Variants in SEPTIN5 observed in about 807,000 individuals in gnomAD.
SEPTIN5 encodes septin 5.
In SEPTIN5, 16 loss-of-function variants were observed where a neutral mutation model predicts 51.2. The observed-to-expected ratio is 0.31, with a 90% CI of 0.21 to 0.47. SEPTIN5 has a LOEUF of 0.47. SEPTIN5 is among the 20% of genes least tolerant of loss of function. The probability of loss-of-function intolerance (pLI) is 0.99; values close to 1 mark genes in which losing one functional copy is unlikely to be tolerated. For synonymous variants in SEPTIN5, 208 were observed against 191.2 expected, an observed-to-expected ratio of 1.09 and a Z score of -0.72; for missense variants, 376 against 500.3, an observed-to-expected ratio of 0.75 and a Z score of 2.37.
chr22:19,714,918 C>A lies in SEPTIN5; in HGVS notation c.54+127C>A. On this transcript the variant is annotated intron_variant, in intron 2 of 11. Coordinates refer to ENST00000455784, the MANE Select transcript of SEPTIN5 (RefSeq NM_002688.6). This position sits in a 1 kb window ranked among gnomAD's most constrained non-coding sequence, Gnocchi z 5.2. ...CCCTCACCCAGCCCTGTCGCGATCA[C>A]CGATTGTCAGCCGGGCAGTGCCGCC... The A allele has an allele frequency of 1.6e-6, 2 of 1,259,012 alleles. No homozygotes were observed. Among genetic ancestry groups the A allele is most frequent in the South Asian group, 1.5e-5 (1 of 68,048 alleles). The allele number at this position is 1,259,012 out of a possible 1,614,324, so 78.0% of individuals were successfully genotyped here. A position where few individuals can be genotyped will look rare whatever the true frequency, so the allele number is the denominator to read the frequency against.
chr22:19,716,355 G>A (rs1459371216), intron 2 of SEPTIN5, among the ~76,000 whole-genome samples: 3 of 152,244 alleles, frequency 2.0e-5, no homozygotes, highest in Non-Finnish European at 2.9e-5. Context: ...AAAGGGGGCT[G>A]TAGAGGCATT....
chr22:19,719,567 C>T (rs775861546), intron 2 of SEPTIN5, 35 bp from the exon 3 acceptor site: 3 of 1,567,738 alleles, frequency 1.9e-6, no homozygotes, highest in African/African-American at 2.7e-5. Flanking sequence ...CTGGAGAAAC[C>T]TTTGTGTCCC....
chr22:19,718,607 C>T, intron 2 of SEPTIN5: 1 of 1,290,816 alleles, frequency 7.7e-7, no homozygotes, highest in Non-Finnish European at 9.8e-7. Context: ...TCACTTCCCG[C>T]GTCCGCAAAA....
chr22:19,715,947 G>A lies in SEPTIN5; in HGVS notation c.54+1156G>A, dbSNP rs553586539. 1.6e-3 allele frequency among the ~76,000 whole-genome samples: 246 copies of A among 152,332 alleles called. 1 individual carries two copies. The highest frequency in any genetic ancestry group is 5.5e-3 in the African/African-American group (228 of 41,574). On this transcript the variant is annotated intron_variant, in intron 2 of 11. Transcript: ENST00000455784. Reference sequence around the variant, plus strand: ...GTTTGAGGGAAATGGAAGGAACTGAGGCTGGGAAAGCCAGGAGGCCAGGCC... The same window carrying A: ...GTTTGAGGGAAATGGAAGGAACTGAAGCTGGGAAAGCCAGGAGGCCAGGCC...
intron 2 of SEPTIN5, among the ~76,000 whole-genome samples, chr22:19,715,883 A>T (rs139817943): frequency 3.2e-3 from 490 of 152,288 alleles, no homozygotes; most frequent in African/African-American, 0.011. Context: ...AGCAGGTCAG[A>T]CAAAGCCTGA....
intron 10 of SEPTIN5, 124 bp downstream of exon 10, chr22:19,722,081 T>G: frequency 3.4e-6 from 4 of 1,165,968 alleles, no homozygotes; most frequent in Non-Finnish European, 4.7e-6. Flanking sequence ...GCCCCCCCCC[T>G]CCCCCAGAGC....
At chr22:19,721,300 C>T (rs1936026759) in intron 8 of SEPTIN5, among the ~76,000 whole-genome samples, 1 of 152,184 alleles carries the variant, frequency 6.6e-6, no homozygotes, top group South Asian at 2.1e-4. Context: ...ATGCCAGGGG[C>T]AGGTGGCCAC....
intron 2 of SEPTIN5, among the ~76,000 whole-genome samples, chr22:19,715,272 T>C (rs1416520506): frequency 1.3e-5 from 2 of 152,260 alleles, no homozygotes; most frequent in South Asian, 2.1e-4. Context: ...CAAATTTGAG[T>C]GTTCAGGTCT....
chr22:19,714,879 C>A lies in SEPTIN5; in HGVS notation c.54+88C>A. The A allele has an allele frequency of 6.9e-7, 1 of 1,452,996 alleles. No individual in the cohort carries two copies. Among genetic ancestry groups the A allele is most frequent in the South Asian group, 1.2e-5 (1 of 80,186 alleles). The allele number at this position is 1,452,996 out of a possible 1,614,324, so 90.0% of individuals were successfully genotyped here. On this transcript the variant is annotated intron_variant, in intron 2 of 11. Transcript: ENST00000455784. The surrounding 1 kb of genome is among the most constrained non-coding windows in gnomAD (Gnocchi z 5.2). ...AGCGCCTTGGGCGCCCAGGCGCGACCCCGCCCCCGCCGGCCCTCACCCAGC... is the reference window on the plus strand; with the variant it reads ...AGCGCCTTGGGCGCCCAGGCGCGACACCGCCCCCGCCGGCCCTCACCCAGC...
chr22:19,719,291 C>T (rs888855466), intron 2 of SEPTIN5: 12 of 327,996 alleles, frequency 3.7e-5, no homozygotes, highest in South Asian at 2.3e-4. Flanking sequence ...CTGCTGCCCT[C>T]TGCCCGAGGA....
intron 2 of SEPTIN5, chr22:19,717,541 T>C (rs1935931052): frequency 8.7e-6 from 3 of 346,376 alleles, no homozygotes; most frequent in South Asian, 2.1e-5. Context: ...CAGGGCCACC[T>C]GAGGGCTGCA....
In SEPTIN5 at chr22:19,722,230, C is replaced by G; in HGVS notation, c.951-7C>G. The G allele has an allele frequency of 6.3e-6, 10 of 1,589,070 alleles. No individual in the cohort carries two copies. Among genetic ancestry groups the G allele is most frequent in the Non-Finnish European group, 8.6e-6 (10 of 1,166,396 alleles). Reference sequence around the variant, plus strand: ...GCCCCGCCCATCCTCCCCCCCGCCCCGCGCAGCAAACTGACCCAGGACAGC... The same window carrying G: ...GCCCCGCCCATCCTCCCCCCCGCCCGGCGCAGCAAACTGACCCAGGACAGC... On this transcript the variant is annotated splice_polypyrimidine_tract_variant and splice_region_variant and intron_variant, in intron 10 of 11. Coordinates refer to ENST00000455784, the MANE Select transcript of SEPTIN5 (RefSeq NM_002688.6).
rs1467100899 is a variant in SEPTIN5, at chr22:19,722,408, C to T, written c.1054-20C>T. ...CTCCTCCGCGGTGCTGCTCACCCGC[C>T]GGGTTGTCTCCGCCCGCAGCTGAGG... On this transcript the variant is annotated intron_variant, in intron 11 of 11. Transcript: ENST00000455784. 6.3e-7 allele frequency: 1 copy of T among 1,596,580 alleles called. No homozygotes were observed. Among genetic ancestry groups the T allele is most frequent in the Non-Finnish European group, 8.5e-7 (1 of 1,171,856 alleles).
At position 19,719,647 on chromosome 22, in the gene SEPTIN5, G is replaced by C. The variant is rs746491377; in HGVS notation, c.100G>C (p.Val34Leu). Reference protein sequence around the residue: ...YVGFATLPNQVHRKSVKKGFD... With the variant: ...YVGFATLPNQLHRKSVKKGFD... ...GGGCTTCGCCACACTGCCCAACCAG[G>C]TGCACCGCAAGTCGGTGAAGAAAGG... The change falls in exon 3 of 12, where the codon GTG becomes CTG. Residue 34 changes from valine to leucine, a missense_variant. Transcript: ENST00000455784. 2 of 1,612,952 alleles carry C rather than the reference G, an allele frequency of 1.2e-6. No homozygotes were observed. The highest frequency in any genetic ancestry group is 1.7e-6 in the Non-Finnish European group (2 of 1,179,982).
intron 2 of SEPTIN5, chr22:19,718,544 T>G: frequency 1.6e-6 from 2 of 1,284,090 alleles, no homozygotes; most frequent in Non-Finnish European, 9.9e-7. Flanking sequence ...GATGGCTCGG[T>G]CGGCCTCGGG....
At position 19,722,321 on chromosome 22, in the gene SEPTIN5, C is replaced by T. The variant is rs1189928289; in HGVS notation, c.1035C>T (p.Ile345=). The T allele has an allele frequency of 1.9e-6, 3 of 1,610,820 alleles. No homozygotes were observed. The highest frequency in any genetic ancestry group is 2.5e-6 in the Non-Finnish European group (3 of 1,179,086). The part of the protein sequence containing the change: ...PTPDAETEKL[I]RMKDEELRRM... ...CGGACGCCGAGACTGAGAAGCTTAT[C>T]AGGATGAAGGATGAGGAAGTATGTG... The change falls in exon 11 of 12, where the codon ATC becomes ATT. Residue 345 remains isoleucine (I), a synonymous_variant. Transcript: ENST00000455784.
rs746012808 is a variant in SEPTIN5, at chr22:19,722,937, C to T, written c.*453C>T. ...GCTGAGACCCCATTTTCTGTCGAGGCGGGCCGAGTCTTCCCTTATCCCCAG... is the reference window on the plus strand; with the variant it reads ...GCTGAGACCCCATTTTCTGTCGAGGTGGGCCGAGTCTTCCCTTATCCCCAG... On this transcript the variant is annotated 3_prime_UTR_variant, in exon 12 of 12. Transcript: ENST00000455784. The T allele has an allele frequency of 9.1e-6, 4 of 441,610 alleles. No individual in the cohort carries two copies. The highest frequency in any genetic ancestry group is 1.7e-5 in the Non-Finnish European group (4 of 234,226). 27.4% of individuals were successfully genotyped at this position (441,610 alleles called of 1,614,324 possible). A position where few individuals can be genotyped will look rare whatever the true frequency, so the allele number is the denominator to read the frequency against.
chr22:19,718,961 C>G lies in SEPTIN5; in HGVS notation c.55-641C>G, dbSNP rs532121768. On this transcript the variant is annotated intron_variant, in intron 2 of 11. Transcript: ENST00000455784. ...CCGCAGCGGCCTCGCAGGTCCGCGG[C>G]CCCACGGTGGGGCGACGTGCCCTGT... 5 of 744,186 alleles carry G rather than the reference C, an allele frequency of 6.7e-6. No homozygotes were observed. The East Asian group carries it at 1.9e-4, about 29-fold the overall frequency. The allele number at this position is 744,186 out of a possible 1,614,324, so 46.1% of individuals were successfully genotyped here. A position where few individuals can be genotyped will look rare whatever the true frequency, so the allele number is the denominator to read the frequency against.
intron 2 of SEPTIN5, chr22:19,718,017 C>T (rs1357742179): frequency 6.6e-6 from 1 of 152,322 alleles, no homozygotes; most frequent in Non-Finnish European, 1.5e-5. Context: ...CTTGGGGCGT[C>T]GAGACGCCGC....
Sources: gnomAD v4.1 joint callset for allele counts (sites outside exome capture counted in the v4.1 genomes callset) on GRCh38, gnomAD v4.1.1 for gene constraint, Gnocchi (gnomAD v3.1) non-coding constraint, MANE v1.5 for transcripts, NCBI Gene and HGNC (gene_info 2026-07-23, HGNC 2026-07-21) for gene names.